The following MGMT variants were observed in gnomAD, a reference collection of about 807,000 sequenced individuals.
MGMT encodes O-6-methylguanine-DNA methyltransferase, also known as methylated-DNA--protein-cysteine methyltransferase.
In MGMT, 14 loss-of-function variants were observed where a neutral mutation model predicts 15.9. The ratio of observed to expected loss-of-function variants is 0.88; its 90% CI spans 0.58 to 1.37. MGMT has a LOEUF of 1.37. MGMT is among the 40% of genes most tolerant of loss of function. The pLI, the probability that MGMT is intolerant of heterozygous loss-of-function variation, is 0.00. For synonymous variants in MGMT, 130 were observed against 118.2 expected (o/e 1.10, Z -0.65); for missense variants, 282 against 268.1 (o/e 1.05, Z -0.36).
At chr10:129,759,111 T>C in intron 3 of MGMT, 91 bp from the exon 4 acceptor site, 5 of 1,480,268 alleles carry the variant, frequency 3.4e-6, no homozygotes, top group South Asian at 2.4e-5. Context: ...TTTGTGTAGA[T>C]GCGTTTCCTG....
At chr10:129,619,814 A>C (rs1328461651) in intron 2 of MGMT, among the ~76,000 whole-genome samples, 1 of 152,198 alleles carries the variant, frequency 6.6e-6, no homozygotes, top group African/African-American at 2.4e-5. Context: ...TGATGATGCT[A>C]TTCCACTGCC....
At chr10:129,598,109 G>A (rs1272308472) in intron 2 of MGMT, among the ~76,000 whole-genome samples, 1 of 152,182 alleles carries the variant, frequency 6.6e-6, no homozygotes, top group Non-Finnish European at 1.5e-5. Context: ...CCACGTTCTA[G>A]GCACCGTGGA....
At chr10:129,630,737 T>C (rs1438980784) in intron 2 of MGMT, among the ~76,000 whole-genome samples, 1 of 152,232 alleles carries the variant, frequency 6.6e-6, no homozygotes, top group African/African-American at 2.4e-5. Flanking sequence ...CCATTTTTAA[T>C]GGTGAACTGG....
chr10:129,608,196 A>G (rs561271570), intron 2 of MGMT, among the ~76,000 whole-genome samples: 30 of 152,370 alleles, frequency 2.0e-4, no homozygotes, highest in Non-Finnish European at 2.1e-4. Flanking sequence ...ATGACTTGTC[A>G]TAATTCGTTC....
chr10:129,486,177 CTTTTTT>C (rs33985155), intron 1 of MGMT, among the ~76,000 whole-genome samples: 7 of 113,288 alleles, frequency 6.2e-5, no homozygotes, highest in Admixed American at 1.9e-4. Flanking sequence ...CTTCTCTTCT[CTTTTTT>C]TTTTTTTTTT....
In MGMT at chr10:129,703,426, G is replaced by C. The variant is rs1423165879; in HGVS notation, c.126-4469G>C. On this transcript the variant is annotated intron_variant, in intron 2 of 4. Coordinates refer to ENST00000651593, the MANE Select transcript of MGMT (RefSeq NM_002412.5). ...GAATCCTAACTCTGGAGTCTGAGCAGTTGCTGGGGGCACAGAACCTCCCAG... is the reference window on the plus strand; with the variant it reads ...GAATCCTAACTCTGGAGTCTGAGCACTTGCTGGGGGCACAGAACCTCCCAG... 2.6e-5 allele frequency among the ~76,000 whole-genome samples: 4 copies of C among 152,200 alleles called. No homozygotes were observed. In the South Asian group the frequency reaches 6.2e-4, roughly 24 times the overall value.
chr10:129,568,796 C>G (rs1031994087), intron 2 of MGMT, among the ~76,000 whole-genome samples: 3 of 152,198 alleles, frequency 2.0e-5, no homozygotes, highest in Admixed American at 2.0e-4. Context: ...CCCCTTTTCC[C>G]TGCCCCCTCC....
intron 2 of MGMT, among the ~76,000 whole-genome samples, chr10:129,654,519 G>T (rs76197380): frequency 6.6e-6 from 1 of 152,112 alleles, no homozygotes; most frequent in African/African-American, 2.4e-5. Flanking sequence ...TCCTTTGACC[G>T]TCACTGTGAA....
intron 3 of MGMT, among the ~76,000 whole-genome samples, chr10:129,727,530 CCTGT>C (rs1212158421): frequency 6.6e-6 from 1 of 152,228 alleles, no homozygotes; most frequent in African/African-American, 2.4e-5. Flanking sequence ...TTATCTGTTA[CCTGT>C]CTGTAGTGAC....
chr10:129,489,770 T>C (rs1347017639), intron 1 of MGMT, among the ~76,000 whole-genome samples: 1 of 152,226 alleles, frequency 6.6e-6, no homozygotes, highest in Admixed American at 6.5e-5. Context: ...GATTTTTCTT[T>C]ATGACTGATA....
At chr10:129,758,754 G>A (rs1365764305) in intron 3 of MGMT, among the ~76,000 whole-genome samples, 2 of 152,122 alleles carry the variant, frequency 1.3e-5, no homozygotes, top group African/African-American at 4.8e-5. Context: ...GCATAATATC[G>A]CAGCCTGGCC....
At position 129,533,611 on chromosome 10, in the gene MGMT, A is replaced by G. The variant is rs546788601; in HGVS notation, c.-12-2630A>G. ...GCCTCTAGAGCCCTGTTGTCTGACC[A>G]GTATCTTCTGTGAACATACTTTGGG... On this transcript the variant is annotated intron_variant, in intron 1 of 4. Coordinates refer to ENST00000651593, the MANE Select transcript of MGMT (RefSeq NM_002412.5). This position sits in a 1 kb window ranked among gnomAD's most constrained non-coding sequence, Gnocchi z 4.5. Among the ~76,000 whole-genome samples the G allele has an allele frequency of 2.0e-5, 3 of 152,322 alleles. No individual in the cohort carries two copies. In the South Asian group the frequency reaches 6.2e-4, roughly 32 times the overall value.
chr10:129,717,481 A>G (rs1848313097), intron 3 of MGMT: 1 of 152,184 alleles, frequency 6.6e-6, no homozygotes. Context: ...CTTGATTTGT[A>G]TTTTAATGGA....
chr10:129,756,469 G>GTTTTGTT lies in MGMT; in HGVS notation c.275-2720_275-2714dup, dbSNP rs372335853. On this transcript the variant is annotated intron_variant, in intron 3 of 4. Coordinates refer to ENST00000651593, the MANE Select transcript of MGMT (RefSeq NM_002412.5). Reference sequence around the variant, plus strand: ...AGAGAAGGCTGCTGGGGTTTTTTTTGTTTTGTTTTTTGTTTTTTGAGACGG... The same window carrying GTTTTGTT: ...AGAGAAGGCTGCTGGGGTTTTTTTTGTTTTGTTTTTTGTTTTTTGTTTTTTGAGACGG... 6.7e-3 allele frequency among the ~76,000 whole-genome samples: 1,019 copies of GTTTTGTT among 152,142 alleles called. 10 individuals carry two copies. The highest frequency in any genetic ancestry group is 0.023 in the African/African-American group (965 of 41,530).
chr10:129,669,103 T>C (rs1053723135), intron 2 of MGMT, among the ~76,000 whole-genome samples: 2 of 152,256 alleles, frequency 1.3e-5, no homozygotes, highest in Non-Finnish European at 2.9e-5. Context: ...GAAAGCATCT[T>C]GGCTTATACA....
At chr10:129,538,613 T>C (rs1018884465) in intron 2 of MGMT, among the ~76,000 whole-genome samples, 3 of 152,152 alleles carry the variant, frequency 2.0e-5, no homozygotes, top group Non-Finnish European at 2.9e-5. Flanking sequence ...TTGTGAAATA[T>C]CTACTCAAGT....
At chr10:129,746,946 T>C (rs1848702252) in intron 3 of MGMT, among the ~76,000 whole-genome samples, 1 of 152,220 alleles carries the variant, frequency 6.6e-6, no homozygotes, top group South Asian at 2.1e-4. Flanking sequence ...TTTTATGATA[T>C]TGAGATTTCC....
intron 1 of MGMT, among the ~76,000 whole-genome samples, chr10:129,497,155 G>T (rs1845529825): frequency 1.3e-5 from 2 of 152,146 alleles, no homozygotes; most frequent in Non-Finnish European, 2.9e-5. Flanking sequence ...CTTAATTTAT[G>T]ATCTATTTAA....
intron 3 of MGMT, among the ~76,000 whole-genome samples, chr10:129,748,896 A>G (rs762364055): frequency 3.9e-5 from 6 of 152,182 alleles, no homozygotes; most frequent in Admixed American, 2.0e-4. Context: ...ATAGAATAGT[A>G]TCAGAGAGTT....
Sources: allele counts gnomAD v4.1 joint callset (sites outside exome capture counted in the v4.1 genomes callset), GRCh38; gene constraint gnomAD v4.1.1; non-coding constraint Gnocchi (gnomAD v3.1); transcripts MANE v1.5; gene names NCBI Gene and HGNC (gene_info 2026-07-23, HGNC 2026-07-21).